Variants in MAGI2 observed in about 807,000 individuals in gnomAD.
MAGI2 encodes membrane-associated guanylate kinase, WW and PDZ domain-containing protein 2.
Under a neutral mutation model 133.3 loss-of-function variants are expected in MAGI2, and 35 were observed. The observed-to-expected ratio is 0.26, with a 90% CI of 0.20 to 0.35. MAGI2 has a LOEUF of 0.35. Ranked by LOEUF, MAGI2 falls within the 10% of genes least tolerant of loss-of-function variation. The pLI, the probability that MAGI2 is intolerant of heterozygous loss-of-function variation, is 1.00. For synonymous variants in MAGI2, 729 were observed against 710.6 expected (o/e 1.03, Z -0.41); for missense variants, 1,636 against 1,863.4 (o/e 0.88, Z 2.25).
chr7:78,662,555 G>A (rs759151948), intron 2 of MAGI2, among the ~76,000 whole-genome samples: 71 of 152,166 alleles, frequency 4.7e-4, no homozygotes, highest in Non-Finnish European at 3.7e-4. Flanking sequence ...GCAGAAAAGT[G>A]TGTATTATCA....
At chr7:78,096,902 A>C (rs929620788) in intron 20 of MAGI2, among the ~76,000 whole-genome samples, 1 of 152,218 alleles carries the variant, frequency 6.6e-6, no homozygotes, top group Non-Finnish European at 1.5e-5. Context: ...ATGGGAGAAA[A>C]TATTTGCAAA....
At chr7:79,151,597 T>C (rs1053127514) in intron 1 of MAGI2, among the ~76,000 whole-genome samples, 2 of 142,950 alleles carry the variant, frequency 1.4e-5, no homozygotes, top group Non-Finnish European at 3.1e-5. Flanking sequence ...AAATACCCCC[T>C]GGACATTGAA....
intron 6 of MAGI2, among the ~76,000 whole-genome samples, chr7:78,457,670 C>T (rs947187217): frequency 2.0e-5 from 3 of 152,102 alleles, no homozygotes; most frequent in Non-Finnish European, 4.4e-5. Flanking sequence ...TCAGAGGTAG[C>T]AGGTGGTATG....
intron 3 of MAGI2, among the ~76,000 whole-genome samples, chr7:78,580,808 CTTGAT>C (rs1234556288): frequency 6.6e-6 from 1 of 152,100 alleles, no homozygotes; most frequent in Non-Finnish European, 1.5e-5. Context: ...ATTATTCATT[CTTGAT>C]TTGAAATTAT....
At chr7:78,127,113 C>G in intron 19 of MAGI2, 84 bp downstream of exon 19, 1 of 1,135,256 alleles carries the variant, frequency 8.8e-7, no homozygotes, top group South Asian at 1.6e-5. Flanking sequence ...GACAGGTACT[C>G]TTTCCTCTGC....
intron 2 of MAGI2, among the ~76,000 whole-genome samples, chr7:78,992,599 A>AT (rs915685527): frequency 3.3e-5 from 5 of 151,996 alleles, no homozygotes; most frequent in South Asian, 2.1e-4. Context: ...TAAATTTTTT[A>AT]TTTTTGTATC....
intron 10 of MAGI2, among the ~76,000 whole-genome samples, chr7:78,238,080 T>C (rs980247234): frequency 4.1e-4 from 62 of 152,292 alleles, no homozygotes; most frequent in African/African-American, 1.4e-3. Flanking sequence ...TAGGACATGG[T>C]TTTTCTTCTT....
At chr7:78,092,210 G>C (rs540171027) in intron 20 of MAGI2, among the ~76,000 whole-genome samples, 13 of 152,252 alleles carry the variant, frequency 8.5e-5, no homozygotes, top group African/African-American at 3.1e-4. Context: ...AATACAGTCT[G>C]TCTCTAATAG....
chr7:78,893,090 A>T (rs1305231032), intron 2 of MAGI2, among the ~76,000 whole-genome samples: 10 of 151,932 alleles, frequency 6.6e-5, no homozygotes, highest in Non-Finnish European at 1.3e-4. Flanking sequence ...GACACTTCTC[A>T]AAAGAAGACA....
chr7:78,461,403 T>TGCGTGC (rs1554423792), intron 6 of MAGI2, among the ~76,000 whole-genome samples: 17 of 126,630 alleles, frequency 1.3e-4, no homozygotes, highest in African/African-American at 4.2e-4. Context: ...CGTGTGTGTG[T>TGCGTGC]GTGTGTGTGT....
At chr7:78,296,328 G>A (rs1797237896) in intron 9 of MAGI2, among the ~76,000 whole-genome samples, 1 of 152,078 alleles carries the variant, frequency 6.6e-6, no homozygotes, top group Admixed American at 6.5e-5. Flanking sequence ...TTGCTGTCAG[G>A]CCAAGCAAAG....
rs576897166 is a variant in MAGI2 at position 79,446,098 on chromosome 7, T to C, written c.301+6922A>G. ...ACCAAACACCGCATGTTCTCACTCA[T>C]AGGTGGGACCTGAACAATGAGAACA... On this transcript the variant is annotated intron_variant, in intron 1 of 21. Coordinates refer to ENST00000354212, the MANE Select transcript of MAGI2 (RefSeq NM_012301.4). Among the ~76,000 whole-genome samples the C allele has an allele frequency of 7.9e-5, 12 of 152,298 alleles. No homozygotes were observed. In the East Asian group the frequency reaches 2.1e-3, roughly 27 times the overall value.
intron 2 of MAGI2, among the ~76,000 whole-genome samples, chr7:78,721,056 G>C (rs1358427031): frequency 6.6e-6 from 1 of 151,946 alleles, no homozygotes; most frequent in Non-Finnish European, 1.5e-5. Flanking sequence ...CGTTTAAAAA[G>C]CTAACATCTA....
intron 4 of MAGI2, among the ~76,000 whole-genome samples, chr7:78,504,534 G>A (rs1257865231): frequency 6.6e-6 from 1 of 152,134 alleles, no homozygotes; most frequent in African/African-American, 2.4e-5. Context: ...GAGATTCAGA[G>A]GGGCTGAAAG....
chr7:78,127,873 A>G (rs909835886), intron 18 of MAGI2, among the ~76,000 whole-genome samples: 2 of 152,156 alleles, frequency 1.3e-5, no homozygotes, highest in African/African-American at 4.8e-5. Context: ...TCATAAAAAC[A>G]TGATTGAAGT....
chr7:79,362,403 T>G (rs1383096510), intron 1 of MAGI2, among the ~76,000 whole-genome samples: 7 of 152,086 alleles, frequency 4.6e-5, no homozygotes, highest in Non-Finnish European at 5.9e-5. Flanking sequence ...ATCTTCAGGC[T>G]CATACTGTTT....
At chr7:78,170,028 G>C (rs1267298323) in intron 14 of MAGI2, among the ~76,000 whole-genome samples, 2 of 152,192 alleles carry the variant, frequency 1.3e-5, no homozygotes, top group Non-Finnish European at 2.9e-5. Context: ...CCCATGAAAA[G>C]GTGCGTTTAG....
chr7:78,770,918 A>G (rs1286288300), intron 2 of MAGI2: 1 of 152,298 alleles, frequency 6.6e-6, no homozygotes, highest in Non-Finnish European at 1.5e-5. Context: ...GTCCTCAGTC[A>G]GTGTCTTCTC....
intron 6 of MAGI2, among the ~76,000 whole-genome samples, chr7:78,463,477 G>T (rs150738264): frequency 2.6e-3 from 397 of 152,320 alleles, no homozygotes; most frequent in Middle Eastern, 6.8e-3. Context: ...TCTAATCAGA[G>T]ACTCTCTGAG....
Sources: allele counts gnomAD v4.1 joint callset (sites outside exome capture counted in the v4.1 genomes callset), GRCh38; gene constraint gnomAD v4.1.1; transcripts MANE v1.5; gene names NCBI Gene and HGNC (gene_info 2026-07-23, HGNC 2026-07-21).